Variants in PCDH9 observed in about 807,000 individuals in gnomAD.
PCDH9 encodes protocadherin 9.
A neutral mutation model predicts 70.6 loss-of-function variants in PCDH9; 24 were observed. The observed-to-expected ratio is 0.34, with a 90% CI of 0.25 to 0.48. The LOEUF is 0.48. Among genes scored for constraint, PCDH9 ranks in the 20% least tolerant of loss-of-function variants. The pLI, the probability that PCDH9 is intolerant of heterozygous loss-of-function variation, is 0.99. For missense variants in PCDH9, 1,281 were observed against 1,503.6 expected (o/e 0.85, Z 2.45); for synonymous variants, 562 against 558.5 (o/e 1.01, Z -0.09).
At chr13:66,370,512 C>A (rs1956628834) in intron 4 of PCDH9, among the ~76,000 whole-genome samples, 1 of 144,408 alleles carries the variant, frequency 6.9e-6, no homozygotes, top group Admixed American at 6.8e-5. Context: ...TTTATGTATT[C>A]ATTTTTTTTT....
At chr13:67,181,825 T>C (rs930163285) in intron 2 of PCDH9, among the ~76,000 whole-genome samples, 7 of 152,170 alleles carry the variant, frequency 4.6e-5, no homozygotes, top group African/African-American at 1.4e-4. Flanking sequence ...ATACAAGCAA[T>C]ACCTATCTTC....
chr13:66,351,847 C>CT (rs5804277), intron 4 of PCDH9, among the ~76,000 whole-genome samples: 69,067 of 148,258 alleles, frequency 0.47, 16,793 homozygotes, highest in East Asian at 0.62. Context: ...CTTTTCTTTT[C>CT]TTTTTTTTTA....
At chr13:66,622,138 C>A (rs142150748) in intron 4 of PCDH9, among the ~76,000 whole-genome samples, 2 of 152,352 alleles carry the variant, frequency 1.3e-5, no homozygotes, top group Non-Finnish European at 2.9e-5. Flanking sequence ...AGTGCTGGCC[C>A]ACGGGCACTG....
At chr13:66,731,913 T>C (rs1163331482) in intron 3 of PCDH9, among the ~76,000 whole-genome samples, 4 of 151,988 alleles carry the variant, frequency 2.6e-5, no homozygotes, top group Non-Finnish European at 4.4e-5. Flanking sequence ...CTTAAAACAT[T>C]TGATGTCACT....
At chr13:66,438,803 G>T (rs879686497) in intron 4 of PCDH9, among the ~76,000 whole-genome samples, 3 of 152,128 alleles carry the variant, frequency 2.0e-5, no homozygotes, top group African/African-American at 7.2e-5. Flanking sequence ...GATACAAAAA[G>T]GAATAAATGG....
At chr13:66,944,473 C>T (rs898172263) in intron 2 of PCDH9, among the ~76,000 whole-genome samples, 3 of 152,064 alleles carry the variant, frequency 2.0e-5, no homozygotes, top group Non-Finnish European at 4.4e-5. Context: ...TTCTACTTTA[C>T]CTTATTCAGT....
intron 4 of PCDH9, among the ~76,000 whole-genome samples, chr13:66,507,947 T>C (rs1034073549): frequency 3.9e-4 from 59 of 152,070 alleles, no homozygotes; most frequent in African/African-American, 1.4e-3. Context: ...GGTCTTGATC[T>C]CTTGACCTCG....
intron 2 of PCDH9, among the ~76,000 whole-genome samples, chr13:67,077,184 C>T (rs1594478371): frequency 6.6e-6 from 1 of 152,134 alleles, no homozygotes; most frequent in Non-Finnish European, 1.5e-5. Context: ...GCTCCCACTC[C>T]CTGATCAACA....
At position 66,483,918 on chromosome 13, in the gene PCDH9, AAG is replaced by A. The variant is rs200317337; in HGVS notation, c.3340+147290_3340+147291del. ...AGAGAAGCAGATGGGCAGAAGACAC[AAG>A]GTGTTGTATGGCAATCGGACATCGA... is the stretch of plus-strand genomic sequence containing the variant. On this transcript the variant is annotated intron_variant, in intron 4 of 4. Coordinates refer to ENST00000377865, the MANE Select transcript of PCDH9 (RefSeq NM_203487.3). Among the ~76,000 whole-genome samples, 686 of 152,188 alleles carry A rather than the reference AAG, an allele frequency of 4.5e-3. 28 individuals are homozygous for A. In the East Asian group the frequency reaches 0.088, roughly 20 times the overall value.
intron 4 of PCDH9, among the ~76,000 whole-genome samples, chr13:66,350,458 T>C (rs1329953191): frequency 6.6e-6 from 1 of 152,164 alleles, no homozygotes; most frequent in East Asian, 1.9e-4. Context: ...AACTACTAGG[T>C]ACTGGAGTCT....
intron 3 of PCDH9, among the ~76,000 whole-genome samples, chr13:66,704,475 T>A (rs1028257028): frequency 6.6e-6 from 1 of 152,162 alleles, no homozygotes; most frequent in South Asian, 2.1e-4. Context: ...GCAAATTTAG[T>A]TGGATTTATT....
intron 3 of PCDH9, among the ~76,000 whole-genome samples, chr13:66,720,825 G>C (rs747467082): frequency 1.3e-5 from 2 of 152,076 alleles, no homozygotes; most frequent in Non-Finnish European, 2.9e-5. Flanking sequence ...ATGATAATCA[G>C]AGTAATTAAA....
At chr13:66,456,958 T>C (rs981418825) in intron 4 of PCDH9, among the ~76,000 whole-genome samples, 7 of 152,138 alleles carry the variant, frequency 4.6e-5, no homozygotes, top group African/African-American at 1.7e-4. Context: ...GTGTACCCGT[T>C]CGTAATTGTG....
intron 4 of PCDH9, among the ~76,000 whole-genome samples, chr13:66,452,070 T>C (rs750302743): frequency 2.0e-5 from 3 of 152,188 alleles, no homozygotes; most frequent in Non-Finnish European, 4.4e-5. Context: ...CTATGAAGTA[T>C]GTGAACATAT....
At chr13:66,376,637 A>G (rs1265619404) in intron 4 of PCDH9, among the ~76,000 whole-genome samples, 2 of 152,174 alleles carry the variant, frequency 1.3e-5, no homozygotes, top group African/African-American at 4.8e-5. Flanking sequence ...TTTGTGGATA[A>G]AATGTGTGAC....
At chr13:66,532,612 G>A (rs1041617208) in intron 4 of PCDH9, among the ~76,000 whole-genome samples, 5 of 152,048 alleles carry the variant, frequency 3.3e-5, no homozygotes, top group Admixed American at 1.3e-4. Context: ...GCCCAATCTC[G>A]GCTCACTGCA....
At chr13:66,349,027 A>T (rs2138164837) in intron 4 of PCDH9, among the ~76,000 whole-genome samples, 1 of 152,280 alleles carries the variant, frequency 6.6e-6, no homozygotes, top group East Asian at 1.9e-4. Context: ...GCACATTAGA[A>T]GTATCTAGAA....
chr13:66,981,484 C>T (rs114064231), intron 2 of PCDH9, among the ~76,000 whole-genome samples: 2,824 of 149,258 alleles, frequency 0.019, 88 homozygotes, highest in African/African-American at 0.064. Context: ...TTCATTTATA[C>T]TAAAAAAAGT....
intron 4 of PCDH9, among the ~76,000 whole-genome samples, chr13:66,535,448 G>C (rs1486361634): frequency 6.6e-6 from 1 of 151,948 alleles, no homozygotes; most frequent in East Asian, 1.9e-4. Flanking sequence ...CAAGCTAATA[G>C]GTTGGCTGCA....
Sources: allele counts gnomAD v4.1 joint callset (sites outside exome capture counted in the v4.1 genomes callset), GRCh38; gene constraint gnomAD v4.1.1; transcripts MANE v1.5; gene names NCBI Gene and HGNC (gene_info 2026-07-23, HGNC 2026-07-21).